NLGN4X: variants seen among roughly 807,000 people sequenced by gnomAD.
NLGN4X encodes the protein neuroligin 4 X-linked, also known as neuroligin-4, X-linked.
Under a neutral mutation model 40.3 loss-of-function variants are expected in NLGN4X, and 3 were observed. The ratio of observed to expected loss-of-function variants is 0.07; its 90% CI spans 0.03 to 0.19. NLGN4X has a LOEUF of 0.19. Among genes scored for constraint, NLGN4X ranks in the 10% least tolerant of loss-of-function variants. The pLI, the probability that NLGN4X is intolerant of heterozygous loss-of-function variation, is 1.00. For synonymous variants in NLGN4X, 270 were observed against 306.8 expected, an observed-to-expected ratio of 0.88 and a Z score of 1.25; for missense variants, 382 against 708.3, an observed-to-expected ratio of 0.54 and a Z score of 5.23.
chrX:5,911,468 T>C (rs919541674), intron 3 of NLGN4X, among the ~76,000 whole-genome samples: 2 of 112,019 alleles, frequency 1.8e-5, no homozygotes, highest in Non-Finnish European at 3.8e-5. Context: ...ATTGGATGGT[T>C]TGATCTTTGA....
chrX:6,101,522 G>C lies in NLGN4X; in HGVS notation c.472+49473C>G, dbSNP rs148421058. ...ATCAGATCCTGTCATTTACAACATA[G>C]ATAAAACTGGAGATCATTATGTTAA... On this transcript the variant is annotated intron_variant, in intron 2 of 5. Transcript: ENST00000381095. 5.4e-5 allele frequency among the ~76,000 whole-genome samples: 6 copies of C among 111,735 alleles called. No homozygotes were observed. In the South Asian group the frequency reaches 2.2e-3, roughly 42 times the overall value.
At chrX:6,153,265 T>TG (rs2040201685) in intron 1 of NLGN4X, among the ~76,000 whole-genome samples, 1 of 110,474 alleles carries the variant, frequency 9.1e-6, no homozygotes, top group Non-Finnish European at 1.9e-5. Flanking sequence ...AATAATACAA[T>TG]GGGGGGAAAT....
At chrX:6,193,456 A>AT (rs200598453) in intron 1 of NLGN4X, among the ~76,000 whole-genome samples, 200 of 95,908 alleles carry the variant, frequency 2.1e-3, no homozygotes, top group African/African-American at 7.2e-3. Flanking sequence ...AACCTACTTG[A>AT]TTTTTTTTTT....
intron 3 of NLGN4X, among the ~76,000 whole-genome samples, chrX:6,016,116 C>G (rs775387487): frequency 1.8e-5 from 2 of 112,401 alleles, no homozygotes; most frequent in Non-Finnish European, 1.9e-5. Context: ...AGGATTTACA[C>G]ACATGTCCAA....
chrX:6,052,533 T>A (rs1249950859), intron 2 of NLGN4X, among the ~76,000 whole-genome samples: 1 of 111,845 alleles, frequency 8.9e-6, no homozygotes, highest in Non-Finnish European at 1.9e-5. Context: ...CAGCAAGCCA[T>A]CTGGAGTTCA....
At chrX:6,093,054 C>CA (rs10627096) in intron 2 of NLGN4X, among the ~76,000 whole-genome samples, 29,728 of 104,398 alleles carry the variant, frequency 0.28, 3,249 homozygotes, top group African/African-American at 0.35. Context: ...ATGGATAAAG[C>CA]AAAAAAAAAA....
chrX:6,050,028 T>TGG (rs1335852729), intron 2 of NLGN4X, among the ~76,000 whole-genome samples: 1 of 111,601 alleles, frequency 9.0e-6, no homozygotes, highest in Non-Finnish European at 1.9e-5. Flanking sequence ...CCAGGATCCC[T>TGG]GGTTTGGGAA....
At chrX:5,953,048 T>C (rs2146950421) in intron 3 of NLGN4X, among the ~76,000 whole-genome samples, 1 of 110,444 alleles carries the variant, frequency 9.1e-6, no homozygotes, top group South Asian at 3.9e-4. Context: ...TCCAAAATCT[T>C]TGAAAGCCCA....
intron 2 of NLGN4X, among the ~76,000 whole-genome samples, chrX:6,132,482 CA>C (rs2039702063): frequency 9.0e-6 from 1 of 111,492 alleles, no homozygotes; most frequent in African/African-American, 3.3e-5. Context: ...TGTTCAGCAG[CA>C]TCTCTGGTCA....
At chrX:6,051,997 G>A (rs947825531) in intron 2 of NLGN4X, among the ~76,000 whole-genome samples, 4 of 110,728 alleles carry the variant, frequency 3.6e-5, no homozygotes, top group African/African-American at 6.6e-5. Context: ...GATACGTGTC[G>A]CCGTATTGGG....
At chrX:6,212,032 G>A (rs1924650458) in intron 1 of NLGN4X, among the ~76,000 whole-genome samples, 1 of 110,909 alleles carries the variant, frequency 9.0e-6, no homozygotes, top group Admixed American at 9.6e-5. Flanking sequence ...GCTCATCTGA[G>A]GTCAGGAGTT....
At chrX:6,195,312 C>A (rs1426958723) in intron 1 of NLGN4X, among the ~76,000 whole-genome samples, 1 of 112,023 alleles carries the variant, frequency 8.9e-6, no homozygotes, top group African/African-American at 3.2e-5. Flanking sequence ...CCCAACACCA[C>A]AGAACTATAA....
intron 3 of NLGN4X, among the ~76,000 whole-genome samples, chrX:6,005,359 T>C (rs2036078569): frequency 9.0e-6 from 1 of 111,636 alleles, no homozygotes; most frequent in Admixed American, 9.5e-5. Context: ...AAGGGATACA[T>C]GCCATCTGGG....
At chrX:5,945,074 T>C (rs1383487915) in intron 3 of NLGN4X, among the ~76,000 whole-genome samples, 2 of 112,194 alleles carry the variant, frequency 1.8e-5, no homozygotes, top group African/African-American at 6.5e-5. Context: ...AAGAAAAGTA[T>C]ACCTACATTT....
At chrX:5,923,410 G>C (rs2033149780) in intron 3 of NLGN4X, among the ~76,000 whole-genome samples, 1 of 112,637 alleles carries the variant, frequency 8.9e-6, no homozygotes, top group African/African-American at 3.2e-5. Flanking sequence ...CAAAGTGCTA[G>C]GATTACAGGC....
intron 2 of NLGN4X, among the ~76,000 whole-genome samples, chrX:6,125,028 A>G (rs149202765): frequency 1.6e-3 from 181 of 112,471 alleles, no homozygotes; most frequent in African/African-American, 5.4e-3. Context: ...CTATGTGTGT[A>G]TGTATATGTG....
chrX:6,168,905 G>A (rs1388539399), intron 1 of NLGN4X, among the ~76,000 whole-genome samples: 1 of 111,975 alleles, frequency 8.9e-6, no homozygotes. Context: ...TAGATGAAGA[G>A]CTTTTAGTAA....
At chrX:6,099,765 T>C (rs896854462) in intron 2 of NLGN4X, among the ~76,000 whole-genome samples, 1 of 112,498 alleles carries the variant, frequency 8.9e-6, no homozygotes, top group Non-Finnish European at 1.9e-5. Flanking sequence ...TTGAAGTCAA[T>C]AGACTTGTCT....
intron 2 of NLGN4X, among the ~76,000 whole-genome samples, chrX:6,143,146 C>T (rs1026317369): frequency 8.9e-6 from 1 of 112,249 alleles, no homozygotes; most frequent in African/African-American, 3.2e-5. Flanking sequence ...GGTGCTTGTA[C>T]GTGCTGGCTA....
Sources: allele counts gnomAD v4.1 joint callset (sites outside exome capture counted in the v4.1 genomes callset), GRCh38; gene constraint gnomAD v4.1.1; transcripts MANE v1.5; gene names NCBI Gene and HGNC (gene_info 2026-07-23, HGNC 2026-07-21).